TERF2: variants seen among roughly 807,000 people sequenced by gnomAD.
TERF2 encodes the protein telomeric repeat binding factor 2, also known as telomeric repeat-binding factor 2.
Under a neutral mutation model 56.1 loss-of-function variants are expected in TERF2, and 16 were observed. The observed-to-expected ratio is 0.29, with a 90% confidence interval of 0.19 to 0.43. The LOEUF is 0.43. Among genes scored for constraint, TERF2 ranks in the 20% least tolerant of loss-of-function variants. The pLI is 1.00. For missense variants in TERF2, 547 were observed against 712.9 expected (o/e 0.77, Z 2.65); for synonymous variants, 296 against 282.1 (o/e 1.05, Z -0.50).
intron 3 of TERF2, among the ~76,000 whole-genome samples, chr16:69,372,913 T>C (rs2013630864): frequency 6.6e-6 from 1 of 152,154 alleles, no homozygotes; most frequent in Non-Finnish European, 1.5e-5. Context: ...TTACAGACCA[T>C]TTAACCAATT....
intron 3 of TERF2, among the ~76,000 whole-genome samples, chr16:69,377,190 A>C (rs1378652737): frequency 6.6e-6 from 1 of 150,900 alleles, no homozygotes; most frequent in Non-Finnish European, 1.5e-5. Flanking sequence ...GCAACAGAGC[A>C]AGACTCCATC....
intron 5 of TERF2, 115 bp from the exon 6 acceptor site, chr16:69,368,597 T>C: frequency 6.5e-7 from 1 of 1,548,912 alleles, no homozygotes; most frequent in Non-Finnish European, 8.7e-7. Flanking sequence ...AAATCCAATC[T>C]AGGCATAAAA....
At chr16:69,370,280 C>G in intron 5 of TERF2, 1 of 631,746 alleles carries the variant, frequency 1.6e-6, no homozygotes, top group Non-Finnish European at 2.6e-6. Flanking sequence ...ATCCACCCCC[C>G]TGGGCCTCCC....
chr16:69,383,766 T>C (rs2014087501), intron 3 of TERF2, among the ~76,000 whole-genome samples: 1 of 152,154 alleles, frequency 6.6e-6, no homozygotes, highest in Admixed American at 6.5e-5. Flanking sequence ...CCCACCCCCA[T>C]CTTTGGGATC....
At chr16:69,369,809 T>C (rs1259771647) in intron 5 of TERF2, among the ~76,000 whole-genome samples, 1 of 152,224 alleles carries the variant, frequency 6.6e-6, no homozygotes, top group African/African-American at 2.4e-5. Flanking sequence ...CTCCACACCA[T>C]GCCTTCTTCC....
At position 69,359,627 on chromosome 16, in the gene TERF2, A is replaced by ATTTTTTTTTTTTTTTT. The variant is rs564611021; in HGVS notation, c.1426+1761_1426+1776dup. On this transcript the variant is annotated intron_variant, in intron 8 of 9. Coordinates refer to ENST00000254942, the MANE Select transcript of TERF2 (RefSeq NM_005652.5). ...AATCTTCCTCTTACTATCATTCCCA[A>ATTTTTTTTTTTTTTTT]TTTTTTTTTTTTTTTTTTTTTTTTT... 5.5e-5 allele frequency among the ~76,000 whole-genome samples: 4 copies of ATTTTTTTTTTTTTTTT among 72,588 alleles called. 2 individuals are homozygous for ATTTTTTTTTTTTTTTT. The highest frequency in any genetic ancestry group is 2.5e-4 in the African/African-American group (4 of 16,134). The allele number at this position is 72,588 out of a possible 152,430, so 47.6% of individuals were successfully genotyped here. A position where few individuals can be genotyped will look rare whatever the true frequency, so the allele number is the denominator to read the frequency against.
chr16:69,375,120 T>G (rs1447838694), intron 3 of TERF2, among the ~76,000 whole-genome samples: 1 of 152,194 alleles, frequency 6.6e-6, no homozygotes, highest in East Asian at 1.9e-4. Flanking sequence ...TGGGCAGTAT[T>G]CCATTCCATG....
chr16:69,358,750 A>T (rs2013016326), intron 8 of TERF2, among the ~76,000 whole-genome samples: 3 of 152,196 alleles, frequency 2.0e-5, no homozygotes, highest in South Asian at 4.1e-4. Context: ...CTTTTAAAGG[A>T]CTAGAGTCAT....
At chr16:69,366,277 A>C (rs1442749635) in intron 7 of TERF2, 1 of 153,370 alleles carries the variant, frequency 6.5e-6, no homozygotes, top group Non-Finnish European at 1.5e-5. Context: ...AGGGAAGCAA[A>C]ACTCAAAGCC....
intron 2 of TERF2, among the ~76,000 whole-genome samples, chr16:69,385,053 G>A (rs552149135): frequency 1.3e-5 from 2 of 152,220 alleles, no homozygotes; most frequent in South Asian, 4.1e-4. Context: ...AATTCAGAGG[G>A]GAAAAATGTC....
chr16:69,369,807 C>T (rs190300456), intron 5 of TERF2, among the ~76,000 whole-genome samples: 4 of 152,302 alleles, frequency 2.6e-5, no homozygotes, highest in Admixed American at 2.6e-4. Flanking sequence ...TTCTCCACAC[C>T]ATGCCTTCTT....
rs1162142457 is a variant in TERF2 at position 69,356,234 on chromosome 16, G to A, written c.*664C>T. ...ATTGCTGGTTTTAACAGGTCATGGAGTCACAAGTGGCTCCTAATAGACTTC... is the reference window on the plus strand; with the variant it reads ...ATTGCTGGTTTTAACAGGTCATGGAATCACAAGTGGCTCCTAATAGACTTC... On this transcript the variant is annotated 3_prime_UTR_variant, in exon 10 of 10. Coordinates refer to ENST00000254942, the MANE Select transcript of TERF2 (RefSeq NM_005652.5). 2.2e-6 allele frequency: 1 copy of A among 455,184 alleles called. No homozygotes were observed. Among genetic ancestry groups the A allele is most frequent in the Non-Finnish European group, 4.4e-6 (1 of 226,584 alleles). The allele number at this position is 455,184 out of a possible 1,614,324, so 28.2% of individuals were successfully genotyped here.
chr16:69,368,586 C>A, intron 5 of TERF2, 104 bp from the exon 6 acceptor site: 2 of 1,556,156 alleles, frequency 1.3e-6, no homozygotes, highest in South Asian at 1.2e-5. Context: ...AGTTCACTTA[C>A]AAATCCAATC....
intron 3 of TERF2, among the ~76,000 whole-genome samples, chr16:69,376,288 C>A (rs1423814536): frequency 1.3e-5 from 2 of 152,042 alleles, no homozygotes; most frequent in African/African-American, 4.8e-5. Context: ...GTTTCAATAC[C>A]ATTTGTTGAA....
At chr16:69,374,264 C>G (rs188700236) in intron 3 of TERF2, among the ~76,000 whole-genome samples, 2 of 152,142 alleles carry the variant, frequency 1.3e-5, no homozygotes, top group African/African-American at 4.8e-5. Flanking sequence ...TTTTAACACA[C>G]GTAGACTCCT....
chr16:69,367,340 T>TA (rs1217407375), intron 6 of TERF2, 141 bp from the exon 7 acceptor site: 2 of 916,304 alleles, frequency 2.2e-6, no homozygotes, highest in Non-Finnish European at 3.2e-6. Flanking sequence ...ATTATGAATT[T>TA]AAAACTCCAA....
chr16:69,380,734 G>A (rs563725443), intron 3 of TERF2, among the ~76,000 whole-genome samples: 1 of 150,820 alleles, frequency 6.6e-6, no homozygotes, highest in South Asian at 2.1e-4. Context: ...ATAACATCAT[G>A]CATTGGTCAT....
chr16:69,385,991 G>A lies in TERF2; in HGVS notation c.-20C>T, dbSNP rs1349574324. On this transcript the variant is annotated 5_prime_UTR_variant, in exon 1 of 10. Transcript: ENST00000254942. ...GGCCATGATAGAAACAGCGTTCCGA[G>A]CCGCCCGCGGGCTTCTGGGAGGGAA... The A allele has an allele frequency of 4.3e-5, 56 of 1,312,124 alleles. No individual in the cohort carries two copies. The highest frequency in any genetic ancestry group is 4.7e-5 in the Non-Finnish European group (49 of 1,032,254). The allele number at this position is 1,312,124 out of a possible 1,614,324, so 81.3% of individuals were successfully genotyped here. A position where few individuals can be genotyped will look rare whatever the true frequency, so the allele number is the denominator to read the frequency against.
At chr16:69,377,318 ACATT>A (rs1371643318) in intron 3 of TERF2, among the ~76,000 whole-genome samples, 5 of 152,022 alleles carry the variant, frequency 3.3e-5, no homozygotes, top group African/African-American at 1.2e-4. Flanking sequence ...ATGAACATGA[ACATT>A]CAGTCTTAAT....
Sources: gnomAD v4.1 joint callset for allele counts (sites outside exome capture counted in the v4.1 genomes callset) on GRCh38, gnomAD v4.1.1 for gene constraint, MANE v1.5 for transcripts, NCBI Gene and HGNC (gene_info 2026-07-23, HGNC 2026-07-21) for gene names.